Variants in AMMECR1L observed in about 807,000 individuals in gnomAD.
The protein encoded by AMMECR1L is AMMECR1-like protein.
AMMECR1L carries 4 observed loss-of-function variants against 36.8 expected under a neutral mutation model. The ratio of observed to expected loss-of-function variants is 0.11; its 90% CI spans 0.05 to 0.25. The LOEUF is 0.25. AMMECR1L is among the 10% of genes least tolerant of loss of function. AMMECR1L has a pLI of 1.00. For missense variants in AMMECR1L, 232 were observed against 392.1 expected (o/e 0.59, Z 3.45); for synonymous variants, 147 against 148.0 (o/e 0.99, Z 0.05).
chr2:127,869,135 T>C lies in AMMECR1L; in HGVS notation c.724+319A>G, dbSNP rs571628613. On this transcript the variant is annotated intron_variant, in intron 6 of 7. Coordinates refer to ENST00000272647, the MANE Select transcript of AMMECR1L (RefSeq NM_001199140.2). The surrounding 1 kb of genome is among the most constrained non-coding windows in gnomAD (Gnocchi z 4.7). Reference sequence around the variant, plus strand: ...TCGGTACCTACTGAATTCTACAATATGGTCAGGTTGATTGGTGGTATTTTG... The same window carrying C: ...TCGGTACCTACTGAATTCTACAATACGGTCAGGTTGATTGGTGGTATTTTG... Among the ~76,000 whole-genome samples, 2 of 152,322 alleles carry C rather than the reference T, an allele frequency of 1.3e-5. No homozygotes were observed. The highest frequency in any genetic ancestry group is 4.8e-5 in the African/African-American group (2 of 41,568).
At chr2:127,883,885 C>T (rs1169391251) in intron 2 of AMMECR1L, among the ~76,000 whole-genome samples, 1 of 152,202 alleles carries the variant, frequency 6.6e-6, no homozygotes, top group African/African-American at 2.4e-5. Flanking sequence ...AAACTTAAGA[C>T]AACCTCTTTG....
chr2:127,873,472 G>A lies in AMMECR1L; in HGVS notation c.407+356C>T. 1.0e-6 allele frequency: 1 copy of A among 985,414 alleles called. No homozygotes were observed. Among genetic ancestry groups the A allele is most frequent in the Non-Finnish European group, 1.2e-6 (1 of 829,932 alleles). The allele number at this position is 985,414 out of a possible 1,614,324, so 61.0% of individuals were successfully genotyped here. On this transcript the variant is annotated intron_variant, in intron 3 of 7. Transcript: ENST00000272647. The surrounding 1 kb of genome is among the most constrained non-coding windows in gnomAD (Gnocchi z 5.2). ...GGCCCTCAGACTTCCAACTCACCTG[G>A]ACTTCAACACTATGGGTGTCCCCAA...
intron 6 of AMMECR1L, 22 bp from the exon 7 acceptor site, chr2:127,867,018 C>A: frequency 6.2e-7 from 1 of 1,613,604 alleles, no homozygotes. Context: ...AAAGGCCACA[C>A]TGAGGTCAAT....
intron 2 of AMMECR1L, among the ~76,000 whole-genome samples, chr2:127,882,821 G>A (rs1432617221): frequency 6.6e-6 from 1 of 151,378 alleles, no homozygotes; most frequent in African/African-American, 2.4e-5. Flanking sequence ...AGCTGGTTTT[G>A]AACTTCTGGC....
At chr2:127,882,901 ATTTTTTTTT>A (rs35596458) in intron 2 of AMMECR1L, among the ~76,000 whole-genome samples, 5 of 132,908 alleles carry the variant, frequency 3.8e-5, no homozygotes, top group African/African-American at 1.4e-4. Context: ...TGTGCCCAGA[ATTTTTTTTT>A]TTTTTTTTTT....
intron 6 of AMMECR1L, 85 bp from the exon 7 acceptor site, chr2:127,867,081 GGGACTCGA>G (rs748509728): frequency 4.5e-4 from 709 of 1,583,240 alleles, no homozygotes; most frequent in Admixed American, 8.2e-4. Context: ...GAAGAGAAAT[GGGACTCGA>G]GAAGCAGCCG....
intron 2 of AMMECR1L, among the ~76,000 whole-genome samples, chr2:127,877,798 T>C (rs1210854793): frequency 6.6e-6 from 1 of 152,188 alleles, no homozygotes; most frequent in Non-Finnish European, 1.5e-5. Context: ...GACTCACACC[T>C]ATAATCCCAA....
chr2:127,869,424 T>C lies in AMMECR1L; in HGVS notation c.724+30A>G. On this transcript the variant is annotated intron_variant, in intron 6 of 7. Coordinates refer to ENST00000272647, the MANE Select transcript of AMMECR1L (RefSeq NM_001199140.2). This position sits in a 1 kb window ranked among gnomAD's most constrained non-coding sequence, Gnocchi z 4.7. The stretch of plus-strand genomic sequence containing the variant: ...AACTGGCACCACTGTGAATGATACT[T>C]GTCATTAAAATCCCATTCATCCAAC... 1.9e-6 allele frequency: 3 copies of C among 1,580,372 alleles called. No individual in the cohort carries two copies. The highest frequency in any genetic ancestry group is 2.6e-6 in the Non-Finnish European group (3 of 1,149,190).
At chr2:127,868,931 G>T (rs1690831323) in intron 6 of AMMECR1L, among the ~76,000 whole-genome samples, 2 of 152,052 alleles carry the variant, frequency 1.3e-5, no homozygotes, top group African/African-American at 4.8e-5. Context: ...CACCATGCTG[G>T]CCAGGATGGT....
rs910979159 is a variant in AMMECR1L, at chr2:127,862,083, G to T, written c.*3011C>A. The T allele has an allele frequency of 3.9e-5, 6 of 152,770 alleles. No homozygotes were observed. In the Admixed American group the frequency reaches 3.9e-4, roughly 10 times the overall value. 9.5% of individuals were successfully genotyped at this position (152,770 alleles called of 1,614,324 possible). ...CTCACAGTGGAAATAATCCAACACC[G>T]ACAGACTCTAGTGATCAAAGACATT... On this transcript the variant is annotated 3_prime_UTR_variant, in exon 8 of 8. Transcript: ENST00000272647.
rs1265825620 is a variant in AMMECR1L at position 127,885,871 on chromosome 2, C to G, written c.-210G>C. On this transcript the variant is annotated 5_prime_UTR_variant, in exon 1 of 8. Transcript: ENST00000272647. Reference sequence around the variant, plus strand: ...GACCTCTCGCGCTCTGCCTCCTCCTCTTGCTTCATGGAGCCATGCGCCTGG... The same window carrying G: ...GACCTCTCGCGCTCTGCCTCCTCCTGTTGCTTCATGGAGCCATGCGCCTGG... 1 of 986,060 alleles carries G rather than the reference C, an allele frequency of 1.0e-6. No homozygotes were observed. The highest frequency in any genetic ancestry group is 1.2e-6 in the Non-Finnish European group (1 of 830,104). 61.1% of individuals were successfully genotyped at this position (986,060 alleles called of 1,614,324 possible).
chr2:127,882,781 T>C (rs1691568694), intron 2 of AMMECR1L, among the ~76,000 whole-genome samples: 1 of 151,716 alleles, frequency 6.6e-6, no homozygotes, highest in Non-Finnish European at 1.5e-5. Context: ...TTTTTTCCTT[T>C]TGTAGAGACA....
intron 6 of AMMECR1L, among the ~76,000 whole-genome samples, chr2:127,867,623 G>A (rs1690750028): frequency 6.6e-6 from 1 of 152,144 alleles, no homozygotes. Context: ...GGATGCGCCT[G>A]TAGTCCCAGC....
chr2:127,866,938 T>G lies in AMMECR1L; in HGVS notation c.783A>C (p.Pro261=), dbSNP rs774806029. 11 of 1,614,132 alleles carry G rather than the reference T, an allele frequency of 6.8e-6. No homozygotes were observed. In the Middle Eastern group the frequency reaches 4.9e-4, roughly 72 times the overall value. Reference sequence around the variant, plus strand: ...TCGTTTTTCTGAATTCACTGGTAATTGGAGCTTTAAAGCCACCTTTCCTGA... The same window carrying G: ...TCGTTTTTCTGAATTCACTGGTAATGGGAGCTTTAAAGCCACCTTTCCTGA... ...SLLRKGGFKA[P]ITSEFRKTIK... Residue 261 remains proline (P), a synonymous_variant, in exon 7 of 8, where the codon CCA becomes CCC. Transcript: ENST00000272647.
At position 127,874,261 on chromosome 2, in the gene AMMECR1L, T is replaced by C. The variant is rs1456182244; in HGVS notation, c.-27A>G. The C allele has an allele frequency of 6.2e-7, 1 of 1,611,540 alleles. No homozygotes were observed. Among genetic ancestry groups the C allele is most frequent in the Non-Finnish European group, 8.5e-7 (1 of 1,179,512 alleles). On this transcript the variant is annotated 5_prime_UTR_variant, in exon 3 of 8. Coordinates refer to ENST00000272647, the MANE Select transcript of AMMECR1L (RefSeq NM_001199140.2). This position sits in a 1 kb window ranked among gnomAD's most constrained non-coding sequence, Gnocchi z 5.2. ...CTGATTCAGTGCTCAAGGTCTGGAATGCTGCAGAACCCTAACCAAAATGAG... is the reference window on the plus strand; with the variant it reads ...CTGATTCAGTGCTCAAGGTCTGGAACGCTGCAGAACCCTAACCAAAATGAG...
At chr2:127,872,703 T>C (rs1459953378) in intron 3 of AMMECR1L, among the ~76,000 whole-genome samples, 1 of 152,164 alleles carries the variant, frequency 6.6e-6, no homozygotes, top group Non-Finnish European at 1.5e-5. Flanking sequence ...CTCCATTGCC[T>C]GCAGGATGGA....
intron 4 of AMMECR1L, 54 bp from the exon 5 acceptor site, chr2:127,870,982 T>G: frequency 1.5e-6 from 2 of 1,365,412 alleles, no homozygotes; most frequent in Middle Eastern, 1.9e-4. Flanking sequence ...GGAGCCAATA[T>G]CAGGTGCCAT....
intron 2 of AMMECR1L, among the ~76,000 whole-genome samples, chr2:127,875,608 A>G (rs971571694): frequency 6.6e-6 from 1 of 152,206 alleles, no homozygotes. Flanking sequence ...TGAATGATAT[A>G]AACATTTTAC....
At position 127,873,977 on chromosome 2, in the gene AMMECR1L, C is replaced by G. The variant is rs377163361; in HGVS notation, c.258G>C (p.Leu86=). The G allele has an allele frequency of 6.2e-7, 1 of 1,614,244 alleles. No homozygotes were observed. Among genetic ancestry groups the G allele is most frequent in the Non-Finnish European group, 8.5e-7 (1 of 1,180,048 alleles). Reference sequence around the variant, plus strand: ...TTCCATTAGGCCGGGGAAGAGGGCTCAGCGCTCCCGATGCGGGATTCATTC... The same window carrying G: ...TTCCATTAGGCCGGGGAAGAGGGCTGAGCGCTCCCGATGCGGGATTCATTC... ...ITRMNPASGA[L]SPLPRPNGTA... is the part of the protein sequence containing the mutation. The change falls in exon 3 of 8, where the codon CTG becomes CTC. Residue 86 remains leucine, a synonymous_variant. Coordinates refer to ENST00000272647, the MANE Select transcript of AMMECR1L (RefSeq NM_001199140.2). The surrounding 1 kb of genome is among the most constrained non-coding windows in gnomAD (Gnocchi z 5.2).
Sources: gnomAD v4.1 joint callset for allele counts (sites outside exome capture counted in the v4.1 genomes callset) on GRCh38, gnomAD v4.1.1 for gene constraint, Gnocchi (gnomAD v3.1) non-coding constraint, MANE v1.5 for transcripts, NCBI Gene and HGNC (gene_info 2026-07-23, HGNC 2026-07-21) for gene names.